Variants in HABP2 observed in about 807,000 individuals in gnomAD.
HABP2 encodes hyaluronan binding protein 2, also known as factor VII-activating protease.
HABP2 carries 65 observed loss-of-function variants against 66.5 expected under a neutral mutation model. The observed-to-expected ratio is 0.98, with a 90% CI of 0.80 to 1.20. The LOEUF is 1.20. Among genes scored for constraint, HABP2 ranks in the 50% most tolerant of loss-of-function variants. The pLI is 0.00. For synonymous variants in HABP2, 263 were observed against 253.9 expected (o/e 1.04, Z -0.34); for missense variants, 786 against 691.0 (o/e 1.14, Z -1.54).
intron 1 of HABP2, among the ~76,000 whole-genome samples, chr10:113,556,804 CTTTTTTTTTTT>C (rs66685949): frequency 1.1e-4 from 12 of 105,134 alleles, no homozygotes; most frequent in Non-Finnish European, 2.0e-4. Flanking sequence ...TTCTTTTATT[CTTTTTTTTTTT>C]TTTTTTTTTG....
intron 12 of HABP2, 41 bp downstream of exon 12, chr10:113,585,979 C>A (rs1416640414): frequency 1.9e-6 from 3 of 1,586,886 alleles, no homozygotes; most frequent in Non-Finnish European, 1.7e-6. Context: ...GAGAGGCTAG[C>A]AGGATGTTTC....
chr10:113,555,892 C>T (rs911562470), intron 1 of HABP2, among the ~76,000 whole-genome samples: 1 of 152,182 alleles, frequency 6.6e-6, no homozygotes, highest in African/African-American at 2.4e-5. Flanking sequence ...TCTTAGAAAT[C>T]TCTTCTTGCT....
In HABP2 at chr10:113,581,864, T is replaced by C; in HGVS notation, c.839-12T>C. ...GCTGAATAGCACAATTTATCTTTCT[T>C]GTGTCCCACAGACGTTGCCTACCCA... On this transcript the variant is annotated splice_polypyrimidine_tract_variant and intron_variant, in intron 8 of 12. Coordinates refer to ENST00000351270, the MANE Select transcript of HABP2 (RefSeq NM_004132.5). 1.9e-6 allele frequency: 3 copies of C among 1,613,672 alleles called. No individual in the cohort carries two copies. In the South Asian group the frequency reaches 3.3e-5, roughly 18 times the overall value.
chr10:113,554,009 A>G (rs1844946731), intron 1 of HABP2, among the ~76,000 whole-genome samples: 1 of 152,204 alleles, frequency 6.6e-6, no homozygotes, highest in African/African-American at 2.4e-5. Flanking sequence ...CTTTGGAGCC[A>G]GGGTTCGAAT....
At chr10:113,586,139 C>G (rs995200246) in intron 12 of HABP2, among the ~76,000 whole-genome samples, 2 of 152,246 alleles carry the variant, frequency 1.3e-5, no homozygotes, top group African/African-American at 2.4e-5. Flanking sequence ...AGCATAATGA[C>G]CACAGAGGTC....
Position 113,580,694 on chromosome 10 carries a change from T to G in HABP2, c.838+2T>G, listed in dbSNP as rs201663524. On this transcript the variant is annotated splice_donor_variant, in intron 8 of 12. Coordinates refer to ENST00000351270, the MANE Select transcript of HABP2 (RefSeq NM_004132.5). LOFTEE classifies it high-confidence loss of function. ...ATGTCTCAGCCTGCTCAGCCCAGGGTAAAGGCCATGGCTGTTCAGAAGCCC... is the reference window on the plus strand; with the variant it reads ...ATGTCTCAGCCTGCTCAGCCCAGGGGAAAGGCCATGGCTGTTCAGAAGCCC... 1 of 1,496,810 alleles carries G rather than the reference T, an allele frequency of 6.7e-7. No individual in the cohort carries two copies. The highest frequency in any genetic ancestry group is 1.7e-5 in the Admixed American group (1 of 59,840). 92.7% of individuals were successfully genotyped at this position (1,496,810 alleles called of 1,614,324 possible). A position where few individuals can be genotyped will look rare whatever the true frequency, so the allele number is the denominator to read the frequency against.
chr10:113,578,940 T>C (rs1845468135), intron 7 of HABP2, 142 bp downstream of exon 7: 1 of 634,718 alleles, frequency 1.6e-6, no homozygotes. Context: ...AACTGCCAAA[T>C]GTCAGTGGCT....
At chr10:113,579,872 T>G (rs1044159114) in intron 7 of HABP2, among the ~76,000 whole-genome samples, 3 of 152,074 alleles carry the variant, frequency 2.0e-5, no homozygotes, top group Non-Finnish European at 4.4e-5. Flanking sequence ...AACCTCTGCC[T>G]CTCAGGTTCA....
chr10:113,569,757 G>C (rs980174422), intron 2 of HABP2: 1 of 152,258 alleles, frequency 6.6e-6, no homozygotes, highest in Non-Finnish European at 1.5e-5. Context: ...CTGCCAGCGA[G>C]AGTGTCTGCT....
chr10:113,551,949 T>C (rs1289408916), upstream of HABP2, among the ~76,000 whole-genome samples: 1 of 151,794 alleles, frequency 6.6e-6, no homozygotes, highest in East Asian at 1.9e-4. Context: ...GACAAAAATA[T>C]GTGGATAAAA....
chr10:113,584,294 A>G lies in HABP2; in HGVS notation c.1372+12A>G, dbSNP rs1313573276. The G allele has an allele frequency of 6.2e-7, 1 of 1,612,952 alleles. No individual in the cohort carries two copies. On this transcript the variant is annotated intron_variant, in intron 11 of 12. Coordinates refer to ENST00000351270, the MANE Select transcript of HABP2 (RefSeq NM_004132.5). ...TGTTACAGAAACAGGTGAGTCGGCC[A>G]TGCACTCTCCCATGACTTAGGTGAA... is the stretch of plus-strand genomic sequence containing the variant.
intron 1 of HABP2, among the ~76,000 whole-genome samples, chr10:113,556,736 G>A (rs1451311825): frequency 6.9e-6 from 1 of 145,098 alleles, no homozygotes; most frequent in East Asian, 2.1e-4. Flanking sequence ...AAAAAAAAAA[G>A]AAAGAAAGAA....
chr10:113,572,990 A>T (rs1845341866), intron 2 of HABP2, among the ~76,000 whole-genome samples: 1 of 152,242 alleles, frequency 6.6e-6, no homozygotes, highest in Non-Finnish European at 1.5e-5. Flanking sequence ...GACGAGTAAG[A>T]TAATGTGGTT....
Position 113,586,483 on chromosome 10 carries a change from G to C in HABP2, c.1518+545G>C, listed in dbSNP as rs578000012. 5.4e-5 allele frequency among the ~76,000 whole-genome samples: 7 copies of C among 129,896 alleles called. No individual in the cohort carries two copies. The South Asian group carries it at 8.1e-4, about 15-fold the overall frequency. The allele number at this position is 129,896 out of a possible 152,430, so 85.2% of individuals were successfully genotyped here. On this transcript the variant is annotated intron_variant, in intron 12 of 12. Transcript: ENST00000351270. ...GTGCGTGTGTGTGTGTGTGGGGGGG[G>C]GGGGGGTGTTTTAGCCCTAGAAAAC...
intron 1 of HABP2, among the ~76,000 whole-genome samples, chr10:113,560,882 T>A (rs1196771463): frequency 2.0e-5 from 3 of 152,074 alleles, no homozygotes; most frequent in Non-Finnish European, 4.4e-5. Context: ...GAAGGAGGCG[T>A]TTCTGTTCAA....
At chr10:113,562,558 C>T (rs1845119375) in intron 1 of HABP2, among the ~76,000 whole-genome samples, 1 of 151,364 alleles carries the variant, frequency 6.6e-6, no homozygotes, top group Non-Finnish European at 1.5e-5. Flanking sequence ...GATTCTTGTG[C>T]CTCAGCCACC....
intron 9 of HABP2, 85 bp downstream of exon 9, chr10:113,582,216 C>T: frequency 1.5e-6 from 2 of 1,361,858 alleles, no homozygotes; most frequent in Non-Finnish European, 2.0e-6. Flanking sequence ...ATCTTTGTAG[C>T]TCTGTCAGGA....
chr10:113,564,921 G>A (rs578209651), intron 1 of HABP2, among the ~76,000 whole-genome samples: 3 of 151,780 alleles, frequency 2.0e-5, no homozygotes, highest in South Asian at 4.2e-4. Context: ...ATCTTGGCTC[G>A]CTGCAAGCTC....
chr10:113,581,808 T>C, intron 8 of HABP2, 68 bp from the exon 9 acceptor site: 1 of 1,535,524 alleles, frequency 6.5e-7, no homozygotes, highest in Non-Finnish European at 9.0e-7. Context: ...GTCATACCTC[T>C]GCCTGAGCCC....
Sources: allele counts gnomAD v4.1 joint callset (sites outside exome capture counted in the v4.1 genomes callset), GRCh38; gene constraint gnomAD v4.1.1; transcripts MANE v1.5; gene names NCBI Gene and HGNC (gene_info 2026-07-23, HGNC 2026-07-21).